The following SFMBT1 variants were observed in gnomAD, a reference collection of about 807,000 sequenced individuals.
SFMBT1 encodes the protein Scm like with four mbt domains 1, also known as scm-like with four MBT domains protein 1.
In SFMBT1, 32 loss-of-function variants were observed where a neutral mutation model predicts 108.7. That is an observed-to-expected ratio of 0.29 (90% confidence interval 0.22 to 0.40). The LOEUF (loss-of-function observed/expected upper bound fraction) is 0.40. Ranked by LOEUF, SFMBT1 falls within the 10% of genes least tolerant of loss-of-function variation. The pLI, the probability that SFMBT1 is intolerant of heterozygous loss-of-function variation, is 1.00. For missense variants in SFMBT1, 816 were observed against 1,059.6 expected (o/e 0.77, Z 3.19); for synonymous variants, 348 against 369.5 (o/e 0.94, Z 0.67).
At position 52,904,080 on chromosome 3, in the gene SFMBT1, G is replaced by A. The variant is rs1286510243; in HGVS notation, c.*1056C>T. ...CTCCAAAACATGTTTTCTGTGCTGT[G>A]CTTCTACACTGGAGACACCTGGAAA... On this transcript the variant is annotated 3_prime_UTR_variant, in exon 21 of 21. Transcript: ENST00000394752. 2 of 152,178 alleles carry A rather than the reference G, an allele frequency of 1.3e-5. No individual in the cohort carries two copies. The highest frequency in any genetic ancestry group is 1.3e-4 in the Admixed American group (2 of 15,272). 9.4% of individuals were successfully genotyped at this position (152,178 alleles called of 1,614,324 possible).
chr3:52,984,996 G>C (rs916428513), intron 1 of SFMBT1, among the ~76,000 whole-genome samples: 13 of 152,102 alleles, frequency 8.5e-5, no homozygotes, highest in Admixed American at 5.9e-4. Context: ...TATGTCAAAA[G>C]CATTTAAAAT....
At chr3:52,918,911 G>A (rs926617998) in intron 12 of SFMBT1, among the ~76,000 whole-genome samples, 15 of 151,714 alleles carry the variant, frequency 9.9e-5, no homozygotes, top group Non-Finnish European at 2.2e-4. Context: ...TGGACCAGGG[G>A]GTGGGGGGTC....
At chr3:52,974,404 C>T (rs1704445396) in intron 1 of SFMBT1, among the ~76,000 whole-genome samples, 1 of 152,158 alleles carries the variant, frequency 6.6e-6, no homozygotes, top group Admixed American at 6.5e-5. Flanking sequence ...ATTTCCTGTT[C>T]CCATTCCCCA....
chr3:53,011,419 A>G (rs774002158), intron 1 of SFMBT1, among the ~76,000 whole-genome samples: 1 of 152,192 alleles, frequency 6.6e-6, no homozygotes, highest in Non-Finnish European at 1.5e-5. Context: ...ATAATACATA[A>G]AAGTTCTATA....
In SFMBT1 at chr3:52,987,282, G is replaced by A. The variant is rs1704957970; in HGVS notation, c.-130-18024C>T. ...TTAAAAGTACAGTAAATAAACCACAGTTATATATTATGATCAAGTATTATG... is the reference window on the plus strand; with the variant it reads ...TTAAAAGTACAGTAAATAAACCACAATTATATATTATGATCAAGTATTATG... On this transcript the variant is annotated intron_variant, in intron 1 of 20. Coordinates refer to ENST00000394752, the MANE Select transcript of SFMBT1 (RefSeq NM_016329.4). 1.3e-5 allele frequency among the ~76,000 whole-genome samples: 2 copies of A among 152,018 alleles called. 1 individual carries two copies. The highest frequency in any genetic ancestry group is 4.2e-4 in the South Asian group (2 of 4,812).
chr3:52,909,907 C>T lies in SFMBT1; in HGVS notation c.1906+1096G>A, dbSNP rs181343118. Among the ~76,000 whole-genome samples the T allele has an allele frequency of 5.3e-5, 8 of 152,320 alleles. No homozygotes were observed. The East Asian group carries it at 1.2e-3, about 22-fold the overall frequency. On this transcript the variant is annotated intron_variant, in intron 17 of 20. Coordinates refer to ENST00000394752, the MANE Select transcript of SFMBT1 (RefSeq NM_016329.4). ...GGTGAGGTTGCAACTACCTCCTCTC[C>T]TATTTCCACCTCCCCAACTAGTGTG... is the stretch of plus-strand genomic sequence containing the variant.
intron 3 of SFMBT1, among the ~76,000 whole-genome samples, chr3:52,949,568 C>CTTTTTTTTTTTTTTTTTTTTTTTT (rs59842273): frequency 1.3e-5 from 1 of 77,414 alleles, no homozygotes; most frequent in African/African-American, 5.7e-5. Context: ...TAATGTCCTT[C>CTTTTTTTTTTTTTTTTTTTTTTTT]TTTTTTTTTT....
At chr3:52,995,586 C>G (rs1253733951) in intron 1 of SFMBT1, among the ~76,000 whole-genome samples, 1 of 149,546 alleles carries the variant, frequency 6.7e-6, no homozygotes, top group Admixed American at 6.8e-5. Context: ...GAGAAGTGGT[C>G]GAAGTGGTCT....
At chr3:52,909,236 A>G (rs1377133461) in intron 17 of SFMBT1, among the ~76,000 whole-genome samples, 6 of 152,244 alleles carry the variant, frequency 3.9e-5, no homozygotes, top group Non-Finnish European at 5.9e-5. Context: ...AAAAGGCACA[A>G]TAAAATCCAC....
intron 1 of SFMBT1, among the ~76,000 whole-genome samples, chr3:53,016,167 A>C (rs34305208): frequency 0.016 from 2,378 of 152,144 alleles, 31 homozygotes; most frequent in Non-Finnish European, 0.021. Context: ...GAAAAAAAAA[A>C]ACAAAACCCA....
intron 10 of SFMBT1, among the ~76,000 whole-genome samples, chr3:52,924,557 T>A (rs1404783325): frequency 6.6e-6 from 1 of 151,888 alleles, no homozygotes; most frequent in Non-Finnish European, 1.5e-5. Flanking sequence ...CAGGACAATC[T>A]ATTGAACCCG....
chr3:52,998,004 G>A (rs1224470103), intron 1 of SFMBT1, among the ~76,000 whole-genome samples: 2 of 150,518 alleles, frequency 1.3e-5, no homozygotes, highest in Non-Finnish European at 3.0e-5. Context: ...AATCACCTTA[G>A]ATGTATAGTT....
chr3:53,040,968 ATTTTTTTTTTTTTTTTTTT>A lies in SFMBT1; in HGVS notation c.-131+4829_-131+4847del, dbSNP rs57640588. Among the ~76,000 whole-genome samples the A allele has an allele frequency of 2.4e-4, 11 of 46,386 alleles. No individual in the cohort carries two copies. In the East Asian group the frequency reaches 4.6e-3, roughly 19 times the overall value. The allele number at this position is 46,386 out of a possible 152,430, so 30.4% of individuals were successfully genotyped here. A position where few individuals can be genotyped will look rare whatever the true frequency, so the allele number is the denominator to read the frequency against. On this transcript the variant is annotated intron_variant, in intron 1 of 20. Transcript: ENST00000394752. ...TACAGGCATGCACCAAGACACCTGA[ATTTTTTTTTTTTTTTTTTT>A]TTTTTTTTTTTTTTTTGTAGAGACA...
chr3:52,990,171 A>G (rs1416311762), intron 1 of SFMBT1, among the ~76,000 whole-genome samples: 1 of 152,196 alleles, frequency 6.6e-6, no homozygotes, highest in Non-Finnish European at 1.5e-5. Flanking sequence ...CATCATCATA[A>G]AGGTAAAAAT....
At chr3:53,010,991 C>A (rs1244270917) in intron 1 of SFMBT1, among the ~76,000 whole-genome samples, 2 of 152,172 alleles carry the variant, frequency 1.3e-5, no homozygotes, top group Non-Finnish European at 2.9e-5. Flanking sequence ...CTACTGAGCA[C>A]CTCCTTTGTT....
chr3:52,947,936 T>C (rs962995783), intron 3 of SFMBT1, among the ~76,000 whole-genome samples: 1 of 152,114 alleles, frequency 6.6e-6, no homozygotes, highest in African/African-American at 2.4e-5. Flanking sequence ...GGTTTCACCA[T>C]GTTGTCTAGG....
At chr3:52,981,697 T>A (rs557509070) in intron 1 of SFMBT1, among the ~76,000 whole-genome samples, 64 of 152,126 alleles carry the variant, frequency 4.2e-4, no homozygotes, top group African/African-American at 1.4e-3. Context: ...TTTTTAATGC[T>A]GATGAAAGTG....
intron 2 of SFMBT1, among the ~76,000 whole-genome samples, chr3:52,968,794 C>T (rs565330763): frequency 1.3e-3 from 197 of 152,106 alleles, no homozygotes; most frequent in Non-Finnish European, 2.3e-3. Context: ...GGGGTTTCAC[C>T]GTGTTAGCCA....
At chr3:52,981,154 T>C (rs1419454250) in intron 1 of SFMBT1, among the ~76,000 whole-genome samples, 1 of 142,928 alleles carries the variant, frequency 7.0e-6, no homozygotes, top group Non-Finnish European at 1.5e-5. Flanking sequence ...AAGAGCGAAA[T>C]TCCATCTCAG....
Sources: gnomAD v4.1 joint callset for allele counts (sites outside exome capture counted in the v4.1 genomes callset) on GRCh38, gnomAD v4.1.1 for gene constraint, MANE v1.5 for transcripts, NCBI Gene and HGNC (gene_info 2026-07-23, HGNC 2026-07-21) for gene names.